Variants in WWOX observed in about 807,000 individuals in gnomAD.
WWOX encodes WW domain-containing oxidoreductase.
A neutral mutation model predicts 46.2 loss-of-function variants in WWOX; 69 were observed. That is an observed-to-expected ratio of 1.49 (90% CI 1.23 to 1.82). The LOEUF is 1.82. WWOX is among the 40% of genes most tolerant of loss of function. WWOX has a pLI of 0.00. For synonymous variants in WWOX, 359 were observed against 202.6 expected, an observed-to-expected ratio of 1.77 and a Z score of -6.56; for missense variants, 919 against 542.6, an observed-to-expected ratio of 1.69 and a Z score of -6.89.
rs146206719 is a variant in WWOX, at chr16:78,213,212, C to T, written c.516+48923C>T. Among the ~76,000 whole-genome samples, 381 of 142,886 alleles carry T rather than the reference C, an allele frequency of 2.7e-3. 5 individuals are homozygous for T. The highest frequency in any genetic ancestry group is 9.4e-3 in the African/African-American group (354 of 37,848). 93.7% of individuals were successfully genotyped at this position (142,886 alleles called of 152,430 possible). A position where few individuals can be genotyped will look rare whatever the true frequency, so the allele number is the denominator to read the frequency against. Reference sequence around the variant, plus strand: ...GCTGCAGAGAGCTGAGATCATGCCACTGTACTCTAGCCTGGGTGACAGAGC... The same window carrying T: ...GCTGCAGAGAGCTGAGATCATGCCATTGTACTCTAGCCTGGGTGACAGAGC... On this transcript the variant is annotated intron_variant, in intron 5 of 8. Coordinates refer to ENST00000566780, the MANE Select transcript of WWOX (RefSeq NM_016373.4).
chr16:78,475,748 A>T (rs187841106), intron 8 of WWOX, among the ~76,000 whole-genome samples: 18 of 152,260 alleles, frequency 1.2e-4, no homozygotes, highest in Admixed American at 1.0e-3. Flanking sequence ...GGCATGTGCC[A>T]CCACACCGGC....
chr16:78,577,109 G>C (rs568721671), intron 8 of WWOX, among the ~76,000 whole-genome samples: 2 of 152,226 alleles, frequency 1.3e-5, no homozygotes, highest in Non-Finnish European at 1.5e-5. Context: ...TTCTTCTCTT[G>C]GTGTAAATTA....
chr16:78,133,775 C>T (rs2033690985), intron 4 of WWOX, among the ~76,000 whole-genome samples: 1 of 152,190 alleles, frequency 6.6e-6, no homozygotes, highest in South Asian at 2.1e-4. Context: ...GCTAGAACCT[C>T]CAGACTGCAT....
chr16:79,187,065 T>C (rs999864240), intron 8 of WWOX, among the ~76,000 whole-genome samples: 4 of 152,156 alleles, frequency 2.6e-5, no homozygotes, highest in African/African-American at 9.7e-5. Flanking sequence ...GTAGAATGAC[T>C]CTTTGGGTAT....
chr16:78,789,812 C>T (rs1376461132), intron 8 of WWOX, among the ~76,000 whole-genome samples: 2 of 152,148 alleles, frequency 1.3e-5, no homozygotes, highest in East Asian at 3.9e-4. Context: ...AGTTTTTCCC[C>T]CTCCAGCTGT....
intron 8 of WWOX, among the ~76,000 whole-genome samples, chr16:78,445,800 C>A (rs1470405298): frequency 6.6e-6 from 1 of 151,646 alleles, no homozygotes; most frequent in African/African-American, 2.4e-5. Context: ...ATCACTTGAA[C>A]CCAGGAGGTG....
At chr16:79,058,389 A>AGT (rs3056373) in intron 8 of WWOX, among the ~76,000 whole-genome samples, 2 of 20,852 alleles carry the variant, frequency 9.6e-5, no homozygotes, top group East Asian at 8.9e-4. Flanking sequence ...GGATAAATAT[A>AGT]CTTTTGAATT....
intron 8 of WWOX, among the ~76,000 whole-genome samples, chr16:78,938,185 T>C (rs1015176881): frequency 1.3e-5 from 2 of 152,118 alleles, no homozygotes; most frequent in Non-Finnish European, 1.5e-5. Flanking sequence ...GATGGCTGTT[T>C]TGAGAGGAGT....
chr16:78,835,694 G>GT (rs1180332856), intron 8 of WWOX, among the ~76,000 whole-genome samples: 1 of 152,204 alleles, frequency 6.6e-6, no homozygotes, highest in Admixed American at 6.5e-5. Context: ...AACTCACCCT[G>GT]TGCTAATCTG....
chr16:79,092,749 C>T (rs151270995), intron 8 of WWOX, among the ~76,000 whole-genome samples: 20 of 152,224 alleles, frequency 1.3e-4, no homozygotes, highest in African/African-American at 1.9e-4. Flanking sequence ...TTTTGGAGAT[C>T]TCTCTGGAAT....
intron 8 of WWOX, among the ~76,000 whole-genome samples, chr16:78,471,357 C>G (rs369235378): frequency 6.6e-6 from 1 of 152,214 alleles, no homozygotes; most frequent in Non-Finnish European, 1.5e-5. Flanking sequence ...TAACAGGCAT[C>G]TCTCACCTCA....
At chr16:78,731,180 A>G (rs753467851) in intron 8 of WWOX, among the ~76,000 whole-genome samples, 1 of 152,062 alleles carries the variant, frequency 6.6e-6, no homozygotes, top group Non-Finnish European at 1.5e-5. Flanking sequence ...GGCAACTGAG[A>G]CCGTGGCTAA....
At position 78,556,437 on chromosome 16, in the gene WWOX, G is replaced by C. The variant is rs1350206951; in HGVS notation, c.1056+123685G>C. On this transcript the variant is annotated intron_variant, in intron 8 of 8. Transcript: ENST00000566780. ...GGTCTCAGAGCACGGGGAACGGTCAGGGAATTTGTATGATGGAGCACCCTG... is the reference window on the plus strand; with the variant it reads ...GGTCTCAGAGCACGGGGAACGGTCACGGAATTTGTATGATGGAGCACCCTG... 2.6e-5 allele frequency among the ~76,000 whole-genome samples: 4 copies of C among 152,248 alleles called. No individual in the cohort carries two copies. The East Asian group carries it at 7.7e-4, about 29-fold the overall frequency.
intron 8 of WWOX, among the ~76,000 whole-genome samples, chr16:78,662,966 C>T (rs1234033138): frequency 6.6e-6 from 1 of 152,132 alleles, no homozygotes; most frequent in Non-Finnish European, 1.5e-5. Flanking sequence ...TTAACTTAAT[C>T]TTGGAAGTCA....
intron 8 of WWOX, among the ~76,000 whole-genome samples, chr16:78,759,062 A>G (rs530012937): frequency 3.3e-5 from 5 of 152,212 alleles, no homozygotes; most frequent in Admixed American, 2.6e-4. Context: ...GTGGGTCAAT[A>G]TATTCCCACT....
At chr16:78,328,862 C>G (rs1376547175) in intron 5 of WWOX, among the ~76,000 whole-genome samples, 1 of 150,832 alleles carries the variant, frequency 6.6e-6, no homozygotes, top group African/African-American at 2.5e-5. Flanking sequence ...CTTTTCTTTT[C>G]TCTTCTCTTC....
chr16:79,180,892 A>G (rs1399359783), intron 8 of WWOX, among the ~76,000 whole-genome samples: 1 of 152,224 alleles, frequency 6.6e-6, no homozygotes, highest in African/African-American at 2.4e-5. Flanking sequence ...ATACTTAATA[A>G]TAACCACTGC....
At chr16:78,469,373 T>C (rs2084166128) in intron 8 of WWOX, among the ~76,000 whole-genome samples, 1 of 152,158 alleles carries the variant, frequency 6.6e-6, no homozygotes, top group Admixed American at 6.5e-5. Context: ...ACTCTTAAGC[T>C]ACAAAATACA....
rs188795820 is a variant in WWOX, at chr16:78,159,237, G to A, written c.410-4946G>A. The stretch of plus-strand genomic sequence containing the variant: ...GAAATTTAGGCTGCTTCCATGTCTT[G>A]GCTAGTATGAATAATGCTGCAGTGA... On this transcript the variant is annotated intron_variant, in intron 4 of 8. Coordinates refer to ENST00000566780, the MANE Select transcript of WWOX (RefSeq NM_016373.4). Among the ~76,000 whole-genome samples, 298 of 152,116 alleles carry A rather than the reference G, an allele frequency of 2.0e-3. 1 individual carries two copies. Among genetic ancestry groups the A allele is most frequent in the African/African-American group, 6.7e-3 (277 of 41,510 alleles).
Sources: gnomAD v4.1 joint callset for allele counts (sites outside exome capture counted in the v4.1 genomes callset) on GRCh38, gnomAD v4.1.1 for gene constraint, MANE v1.5 for transcripts, NCBI Gene and HGNC (gene_info 2026-07-23, HGNC 2026-07-21) for gene names.